The following NEO1 variants were observed in gnomAD, a reference collection of about 807,000 sequenced individuals.
The protein encoded by NEO1 is neogenin 1.
Under a neutral mutation model 159.7 loss-of-function variants are expected in NEO1, and 63 were observed. That is an observed-to-expected ratio of 0.39 (90% CI 0.32 to 0.49). The LOEUF is 0.49. NEO1 is among the 20% of genes least tolerant of loss of function. The probability of loss-of-function intolerance (pLI) is 0.85; values close to 1 mark genes in which losing one functional copy is unlikely to be tolerated. For missense variants in NEO1, 1,615 were observed against 1,831.0 expected, an observed-to-expected ratio of 0.88 and a Z score of 2.15; for synonymous variants, 633 against 662.0, an observed-to-expected ratio of 0.96 and a Z score of 0.67.
chr15:73,072,343 T>C (rs1359841449), intron 1 of NEO1, among the ~76,000 whole-genome samples: 1 of 152,216 alleles, frequency 6.6e-6, no homozygotes, highest in African/African-American at 2.4e-5. Context: ...AAGTTATAAT[T>C]TTTAAAAGTT....
chr15:73,099,590 G>A (rs1351870769), intron 1 of NEO1, among the ~76,000 whole-genome samples: 2 of 152,148 alleles, frequency 1.3e-5, no homozygotes, highest in Non-Finnish European at 2.9e-5. Context: ...ATTGTCCTAT[G>A]GGATTTCATA....
intron 9 of NEO1, among the ~76,000 whole-genome samples, chr15:73,247,725 TG>T (rs1199320565): frequency 6.6e-6 from 1 of 152,168 alleles, no homozygotes; most frequent in Non-Finnish European, 1.5e-5. Context: ...GAAACACTAG[TG>T]CCAGAGAAAT....
chr15:73,237,614 T>C (rs1231263965), intron 8 of NEO1, among the ~76,000 whole-genome samples: 1 of 152,246 alleles, frequency 6.6e-6, no homozygotes, highest in Non-Finnish European at 1.5e-5. Flanking sequence ...GGACCCTTTC[T>C]TTAATACTCT....
intron 5 of NEO1, among the ~76,000 whole-genome samples, chr15:73,161,006 CTTA>C (rs1163971434): frequency 6.6e-6 from 1 of 152,110 alleles, no homozygotes. Flanking sequence ...CAAGACTTGT[CTTA>C]TTATAGGACA....
chr15:73,244,973 A>AAAAAAAAAAC (rs1567586741), intron 9 of NEO1, among the ~76,000 whole-genome samples: 1 of 147,582 alleles, frequency 6.8e-6, no homozygotes, highest in Non-Finnish European at 1.5e-5. Context: ...AAAAAAAAAA[A>AAAAAAAAAAC]AAAAAAAAAA....
chr15:73,138,755 C>CAAAAAAA (rs11368240), intron 5 of NEO1, among the ~76,000 whole-genome samples: 2 of 109,240 alleles, frequency 1.8e-5, no homozygotes, highest in African/African-American at 3.3e-5. Context: ...GACTCCGTCT[C>CAAAAAAA]AAAAAAAAAA....
rs116805940 is a variant in NEO1 at position 73,102,360 on chromosome 15, C to T, written c.131-14180C>T. Reference sequence around the variant, plus strand: ...CTGCCTGGGCTATAGAGCAAGATTCCGTCTCAAAAAAAAAAATTTAATAAG... The same window carrying T: ...CTGCCTGGGCTATAGAGCAAGATTCTGTCTCAAAAAAAAAAATTTAATAAG... On this transcript the variant is annotated intron_variant, in intron 1 of 28. Coordinates refer to ENST00000261908, the MANE Select transcript of NEO1 (RefSeq NM_002499.4). Among the ~76,000 whole-genome samples, 1,301 of 151,436 alleles carry T rather than the reference C, an allele frequency of 8.6e-3. 22 individuals are homozygous for T. Among genetic ancestry groups the T allele is most frequent in the African/African-American group, 0.03 (1,226 of 41,282 alleles).
chr15:73,179,100 G>GA (rs1272713720), intron 7 of NEO1, among the ~76,000 whole-genome samples: 7 of 152,048 alleles, frequency 4.6e-5, no homozygotes, highest in Admixed American at 6.6e-5. Flanking sequence ...AAAGTATAAA[G>GA]AAAAAAATCC....
intron 1 of NEO1, among the ~76,000 whole-genome samples, chr15:73,101,801 G>C (rs964929885): frequency 1.3e-5 from 2 of 152,040 alleles, no homozygotes; most frequent in Admixed American, 1.3e-4. Context: ...GTAATTGCCT[G>C]TATCTATTTC....
intron 1 of NEO1, among the ~76,000 whole-genome samples, chr15:73,103,877 T>TG (rs1398342243): frequency 6.6e-6 from 1 of 152,194 alleles, no homozygotes; most frequent in Non-Finnish European, 1.5e-5. Context: ...TGTTTTGAGA[T>TG]GGGGTCTCAC....
chr15:73,099,335 TAAG>T (rs1275372960), intron 1 of NEO1, among the ~76,000 whole-genome samples: 1 of 152,226 alleles, frequency 6.6e-6, no homozygotes, highest in Non-Finnish European at 1.5e-5. Flanking sequence ...AGGACTGAGT[TAAG>T]AAGCTTTTGA....
intron 7 of NEO1, among the ~76,000 whole-genome samples, chr15:73,228,105 T>G (rs977186315): frequency 7.9e-5 from 12 of 152,222 alleles, no homozygotes; most frequent in African/African-American, 2.9e-4. Context: ...ACACCTGAGC[T>G]TAAAATCTGT....
At chr15:73,231,687 A>G (rs1188481529) in intron 7 of NEO1, among the ~76,000 whole-genome samples, 1 of 152,130 alleles carries the variant, frequency 6.6e-6, no homozygotes, top group Non-Finnish European at 1.5e-5. Flanking sequence ...GTGCCACTGC[A>G]CTCCAGCCTG....
At chr15:73,266,258 T>A (rs1393698371) in intron 15 of NEO1, 58 bp from the exon 16 acceptor site, 1 of 1,391,764 alleles carries the variant, frequency 7.2e-7, no homozygotes, top group East Asian at 2.3e-5. Context: ...ACAGCCACCC[T>A]TGAATTTTTA....
At chr15:73,181,040 T>C (rs1183161754) in intron 7 of NEO1, among the ~76,000 whole-genome samples, 2 of 152,218 alleles carry the variant, frequency 1.3e-5, no homozygotes, top group Non-Finnish European at 2.9e-5. Context: ...TAAAGCAGCA[T>C]ACAGTTCAGA....
chr15:73,284,132 A>C (rs971570023), intron 23 of NEO1, among the ~76,000 whole-genome samples: 1 of 151,654 alleles, frequency 6.6e-6, no homozygotes, highest in African/African-American at 2.4e-5. Flanking sequence ...AATTACATTC[A>C]ACTCAGATAT....
intron 12 of NEO1, among the ~76,000 whole-genome samples, chr15:73,254,125 G>A (rs2040221459): frequency 6.6e-6 from 1 of 152,130 alleles, no homozygotes; most frequent in Non-Finnish European, 1.5e-5. Flanking sequence ...GGGAGTTGAA[G>A]GTTGCAGTGA....
Position 73,304,596 on chromosome 15 carries a change from G to A in NEO1, c.*1900G>A, listed in dbSNP as rs1295959080. The A allele has an allele frequency of 6.6e-6, 1 of 152,230 alleles. No homozygotes were observed. The highest frequency in any genetic ancestry group is 1.5e-5 in the Non-Finnish European group (1 of 68,068). The allele number at this position is 152,230 out of a possible 1,614,324, so 9.4% of individuals were successfully genotyped here. On this transcript the variant is annotated 3_prime_UTR_variant, in exon 29 of 29. Coordinates refer to ENST00000261908, the MANE Select transcript of NEO1 (RefSeq NM_002499.4). ...TGCTGCCGAGCTCGCTGGTCACATG[G>A]GGGTGCCAGGCGGGATTCTGGAAAA... is the stretch of plus-strand genomic sequence containing the variant.
intron 5 of NEO1, among the ~76,000 whole-genome samples, chr15:73,153,592 C>T (rs886115461): frequency 3.9e-5 from 6 of 152,176 alleles, no homozygotes; most frequent in African/African-American, 1.2e-4. Flanking sequence ...GTTATATTGG[C>T]GAAAGTCGTT....
Sources: gnomAD v4.1 joint callset for allele counts (sites outside exome capture counted in the v4.1 genomes callset) on GRCh38, gnomAD v4.1.1 for gene constraint, MANE v1.5 for transcripts, NCBI Gene and HGNC (gene_info 2026-07-23, HGNC 2026-07-21) for gene names.